The following C8A variants were observed in gnomAD, a reference collection of about 807,000 sequenced individuals.
The protein encoded by C8A is complement C8 alpha chain.
Under a neutral mutation model 65.3 loss-of-function variants are expected in C8A, and 67 were observed. That is an observed-to-expected ratio of 1.03 (90% CI 0.84 to 1.26). The LOEUF is 1.26. Ranked by LOEUF, C8A falls within the 50% of genes most tolerant of loss-of-function variation. C8A has a pLI of 0.00. For synonymous variants in C8A, 290 were observed against 259.4 expected (o/e 1.12, Z -1.13); for missense variants, 781 against 723.9 (o/e 1.08, Z -0.90).
rs1014779965 is a variant in C8A, at chr1:56,888,548, A to G, written c.1096+2381A>G. 4.6e-5 allele frequency among the ~76,000 whole-genome samples: 7 copies of G among 152,330 alleles called. 1 individual carries two copies. The highest frequency in any genetic ancestry group is 2.0e-4 in the Admixed American group (3 of 15,284). On this transcript the variant is annotated intron_variant, in intron 7 of 10. Coordinates refer to ENST00000361249, the MANE Select transcript of C8A (RefSeq NM_000562.3). Reference sequence around the variant, plus strand: ...AACAAAGGACAGAATAGAAAATATCATAGTGGATTATAGGCACTAAAGATA... The same window carrying G: ...AACAAAGGACAGAATAGAAAATATCGTAGTGGATTATAGGCACTAAAGATA...
At chr1:56,906,207 C>A (rs1049133632) in intron 7 of C8A, among the ~76,000 whole-genome samples, 7 of 152,178 alleles carry the variant, frequency 4.6e-5, no homozygotes, top group Non-Finnish European at 1.0e-4. Context: ...AAAAATAGTT[C>A]ATGGAGTAAA....
chr1:56,880,434 G>A (rs1201221106), intron 4 of C8A, among the ~76,000 whole-genome samples: 1 of 151,826 alleles, frequency 6.6e-6, no homozygotes, highest in African/African-American at 2.4e-5. Flanking sequence ...AACCATGAGA[G>A]GTAGGTATTA....
intron 1 of C8A, among the ~76,000 whole-genome samples, chr1:56,861,422 A>G (rs1174301694): frequency 1.3e-5 from 2 of 152,146 alleles, no homozygotes; most frequent in Non-Finnish European, 2.9e-5. Context: ...ACTCATTTCC[A>G]TGGGCCCAGT....
intron 5 of C8A, among the ~76,000 whole-genome samples, chr1:56,882,702 A>G (rs1644257739): frequency 6.6e-6 from 1 of 152,154 alleles, no homozygotes; most frequent in African/African-American, 2.4e-5. Context: ...AAGGTGGAAG[A>G]CATAAACAAC....
At chr1:56,892,388 C>T (rs989645280) in intron 7 of C8A, among the ~76,000 whole-genome samples, 1 of 152,052 alleles carries the variant, frequency 6.6e-6, no homozygotes, top group African/African-American at 2.4e-5. Context: ...CTCATTTTTA[C>T]AGATGAAGGA....
intron 7 of C8A, among the ~76,000 whole-genome samples, chr1:56,902,132 C>T (rs146454408): frequency 1.1e-4 from 16 of 152,256 alleles, no homozygotes; most frequent in Non-Finnish European, 4.4e-5. Context: ...GGCAAACAGC[C>T]AGCCTCAGCT....
At chr1:56,875,675 A>C (rs1287152485) in intron 3 of C8A, among the ~76,000 whole-genome samples, 6 of 152,158 alleles carry the variant, frequency 3.9e-5, no homozygotes, top group Non-Finnish European at 7.4e-5. Context: ...GAATGTTTGC[A>C]GCATCAGGGC....
chr1:56,859,056 C>A (rs943956640), intron 1 of C8A, among the ~76,000 whole-genome samples: 1 of 152,154 alleles, frequency 6.6e-6, no homozygotes, highest in African/African-American at 2.4e-5. Context: ...TACCCTATTT[C>A]TCTTTTGTCA....
At chr1:56,913,859 C>T (rs1489434590) in intron 10 of C8A, among the ~76,000 whole-genome samples, 3 of 152,160 alleles carry the variant, frequency 2.0e-5, no homozygotes, top group Non-Finnish European at 4.4e-5. Flanking sequence ...CCATGTGGCT[C>T]AATGGCCATG....
intron 7 of C8A, among the ~76,000 whole-genome samples, chr1:56,888,225 C>T (rs1375274365): frequency 3.3e-5 from 5 of 152,108 alleles, no homozygotes; most frequent in Non-Finnish European, 7.4e-5. Context: ...CTCTTTAACA[C>T]TCAACACAGG....
chr1:56,885,781 A>T (rs1253989319), intron 6 of C8A, 146 bp from the exon 7 acceptor site: 2 of 1,030,730 alleles, frequency 1.9e-6, no homozygotes, highest in Admixed American at 3.8e-5. Flanking sequence ...CGATCTCCTG[A>T]CCTTGTGATC....
At position 56,912,436 on chromosome 1, in the gene C8A, A is replaced by G. The variant is rs1644515772; in HGVS notation, c.1414A>G (p.Ser472Gly). The G allele has an allele frequency of 1.9e-6, 3 of 1,614,086 alleles. No homozygotes were observed. Among genetic ancestry groups the G allele is most frequent in the Admixed American group, 1.7e-5 (1 of 60,008 alleles). ...TATCCACGAGGTGCTGCGGCACACA[A>G]GCCTGGGGCCTCTGGAGGCCAAGCG... ...QPIHEVLRHT[S>G]LGPLEAKRQN... The change falls in exon 10 of 11, where the codon AGC (serine) becomes GGC (glycine). Residue 472 changes from serine (S) to glycine (G), a missense_variant. Transcript: ENST00000361249.
intron 10 of C8A, among the ~76,000 whole-genome samples, chr1:56,914,053 C>T (rs570473618): frequency 2.0e-5 from 3 of 152,094 alleles, no homozygotes; most frequent in Non-Finnish European, 2.9e-5. Context: ...GCAGGCAATC[C>T]AGAGAAGTGG....
chr1:56,864,114 T>C (rs1468294019), intron 1 of C8A, among the ~76,000 whole-genome samples: 1 of 152,132 alleles, frequency 6.6e-6, no homozygotes, highest in African/African-American at 2.4e-5. Context: ...ATTGAGAAAA[T>C]GTGCAGAGAT....
chr1:56,890,197 G>A (rs868194918), intron 7 of C8A, among the ~76,000 whole-genome samples: 44 of 152,096 alleles, frequency 2.9e-4, no homozygotes, highest in African/African-American at 8.2e-4. Flanking sequence ...CTGTTCTCTC[G>A]TCTCCCAATG....
Position 56,908,072 on chromosome 1 carries a change from G to C in C8A, c.1339G>C (p.Gly447Arg). 6.2e-7 allele frequency: 1 copy of C among 1,614,160 alleles called. No homozygotes were observed. The highest frequency in any genetic ancestry group is 8.5e-7 in the Non-Finnish European group (1 of 1,180,024). The change falls in exon 9 of 11, where the codon GGG becomes CGG. Residue 447 changes from glycine to arginine, a missense_variant. Coordinates refer to ENST00000361249, the MANE Select transcript of C8A (RefSeq NM_000562.3). Reference protein sequence around the residue: ...NRSTITYRSWGRSLKYNPVVI... With the variant: ...NRSTITYRSWRRSLKYNPVVI... Reference sequence around the variant, plus strand: ...GAGCACCATTACATACCGTTCCTGGGGGAGGTCATTAAAGTATAATCCTGT... The same window carrying C: ...GAGCACCATTACATACCGTTCCTGGCGGAGGTCATTAAAGTATAATCCTGT...
chr1:56,900,186 C>T (rs1183472848), intron 7 of C8A, among the ~76,000 whole-genome samples: 1 of 152,178 alleles, frequency 6.6e-6, no homozygotes, highest in Non-Finnish European at 1.5e-5. Flanking sequence ...CTACCATTGG[C>T]TACACACCAT....
Position 56,917,873 on chromosome 1 carries a change from C to T in C8A, c.*157C>T, listed in dbSNP as rs1472802156. ...GCCTAAGACTAGGTTTTGCTGTCTA[C>T]AGCCAACTATTCTATTAGTTACAAA... On this transcript the variant is annotated 3_prime_UTR_variant, in exon 11 of 11. Transcript: ENST00000361249. 15 of 785,226 alleles carry T rather than the reference C, an allele frequency of 1.9e-5. No homozygotes were observed. Among genetic ancestry groups the T allele is most frequent in the Admixed American group, 5.2e-5 (2 of 38,612 alleles). 48.6% of individuals were successfully genotyped at this position (785,226 alleles called of 1,614,324 possible).
chr1:56,871,914 G>GT (rs901057738), intron 2 of C8A, among the ~76,000 whole-genome samples: 26 of 152,162 alleles, frequency 1.7e-4, no homozygotes, highest in Admixed American at 7.9e-4. Flanking sequence ...AGCTCAAGCT[G>GT]TTACTAAACT....
Sources: gnomAD v4.1 joint callset for allele counts (sites outside exome capture counted in the v4.1 genomes callset) on GRCh38, gnomAD v4.1.1 for gene constraint, MANE v1.5 for transcripts, NCBI Gene and HGNC (gene_info 2026-07-23, HGNC 2026-07-21) for gene names.